Variants in GULP1 observed in about 807,000 individuals in gnomAD.
The protein encoded by GULP1 is GULP PTB domain containing engulfment adaptor 1.
In GULP1, 19 loss-of-function variants were observed where a neutral mutation model predicts 40.9. The ratio of observed to expected loss-of-function variants is 0.46; its 90% CI spans 0.32 to 0.68. GULP1 has a LOEUF of 0.68. Ranked by LOEUF, GULP1 falls within the 30% of genes least tolerant of loss-of-function variation. The pLI is 0.03. For synonymous variants in GULP1, 119 were observed against 117.6 expected, an observed-to-expected ratio of 1.01 and a Z score of -0.08; for missense variants, 312 against 362.2, an observed-to-expected ratio of 0.86 and a Z score of 1.12.
At chr2:188,538,855 T>A (rs1490883512) in intron 6 of GULP1, among the ~76,000 whole-genome samples, 1 of 152,136 alleles carries the variant, frequency 6.6e-6, no homozygotes, top group Non-Finnish European at 1.5e-5. Context: ...TCATTCTAGA[T>A]GTATGTTGAT....
chr2:188,577,499 C>T (rs1288140746), intron 9 of GULP1, among the ~76,000 whole-genome samples: 1 of 152,082 alleles, frequency 6.6e-6, no homozygotes, highest in African/African-American at 2.4e-5. Context: ...TGCAACTTCA[C>T]TTTCATAATT....
chr2:188,377,207 A>G (rs568401903), intron 1 of GULP1, among the ~76,000 whole-genome samples: 4 of 152,278 alleles, frequency 2.6e-5, no homozygotes, highest in South Asian at 2.1e-4. Flanking sequence ...GATGAGCACA[A>G]CAAATATTTA....
At chr2:188,464,792 T>G (rs1289344994) in intron 2 of GULP1, among the ~76,000 whole-genome samples, 1 of 152,188 alleles carries the variant, frequency 6.6e-6, no homozygotes, top group Non-Finnish European at 1.5e-5. Context: ...CCACTGCCAC[T>G]TCAGGCCTAT....
At chr2:188,492,119 G>T (rs941929192) in intron 4 of GULP1, among the ~76,000 whole-genome samples, 2 of 152,002 alleles carry the variant, frequency 1.3e-5, no homozygotes, top group Non-Finnish European at 2.9e-5. Context: ...GTACAAAGAG[G>T]TTGCTGGGAT....
chr2:188,348,055 GA>G (rs1266849819), intron 1 of GULP1, among the ~76,000 whole-genome samples: 1 of 152,150 alleles, frequency 6.6e-6, no homozygotes, highest in Non-Finnish European at 1.5e-5. Flanking sequence ...AGATGTCAAA[GA>G]AATAAAATTC....
At chr2:188,403,723 A>T (rs563467012) in intron 2 of GULP1, among the ~76,000 whole-genome samples, 4 of 152,294 alleles carry the variant, frequency 2.6e-5, no homozygotes, top group Admixed American at 6.5e-5. Context: ...TGTGGCACTA[A>T]GTCTGTACCA....
At chr2:188,396,185 G>A (rs536705734) in intron 2 of GULP1, among the ~76,000 whole-genome samples, 2 of 152,306 alleles carry the variant, frequency 1.3e-5, no homozygotes, top group Admixed American at 1.3e-4. Flanking sequence ...CTACCCAGGG[G>A]AAGTACTCTG....
At chr2:188,311,622 T>G (rs2106358842) in intron 1 of GULP1, among the ~76,000 whole-genome samples, 1 of 151,950 alleles carries the variant, frequency 6.6e-6, no homozygotes, top group South Asian at 2.1e-4. Flanking sequence ...GTATCCAATT[T>G]TAACAAAATT....
At chr2:188,304,729 A>G (rs1390677509) in intron 1 of GULP1, among the ~76,000 whole-genome samples, 1 of 152,180 alleles carries the variant, frequency 6.6e-6, no homozygotes, top group Non-Finnish European at 1.5e-5. Flanking sequence ...TCCTGCTCTT[A>G]GGCATAGCTA....
chr2:188,379,255 T>A (rs772709221), intron 1 of GULP1, among the ~76,000 whole-genome samples: 1 of 152,130 alleles, frequency 6.6e-6, no homozygotes, highest in Non-Finnish European at 1.5e-5. Context: ...TTCTGAAGAG[T>A]TTGTCATGTC....
At chr2:188,466,193 C>A (rs771110121) in intron 2 of GULP1, among the ~76,000 whole-genome samples, 5 of 152,034 alleles carry the variant, frequency 3.3e-5, no homozygotes, top group Non-Finnish European at 7.4e-5. Flanking sequence ...CTCTCAATAT[C>A]ATTTAATCAT....
intron 7 of GULP1, among the ~76,000 whole-genome samples, chr2:188,551,579 G>A (rs951728660): frequency 6.6e-6 from 1 of 151,624 alleles, no homozygotes; most frequent in African/African-American, 2.4e-5. Flanking sequence ...TCCATTGGCG[G>A]ACATTTAGGT....
intron 6 of GULP1, among the ~76,000 whole-genome samples, chr2:188,535,831 C>CT (rs887022357): frequency 6.6e-6 from 1 of 152,068 alleles, no homozygotes; most frequent in Admixed American, 6.6e-5. Context: ...TAAGCATTCC[C>CT]TTTTTTTCAT....
At chr2:188,582,128 T>TA (rs555107916) in intron 9 of GULP1, among the ~76,000 whole-genome samples, 6 of 151,846 alleles carry the variant, frequency 4.0e-5, no homozygotes, top group African/African-American at 1.5e-4. Flanking sequence ...AATATTTCAG[T>TA]AAAAAAAAGA....
At chr2:188,566,862 C>A (rs1394661719) in intron 7 of GULP1, among the ~76,000 whole-genome samples, 2 of 144,342 alleles carry the variant, frequency 1.4e-5, no homozygotes, top group African/African-American at 5.2e-5. Flanking sequence ...AGGGAAGCAA[C>A]CTATAATTAA....
intron 1 of GULP1, among the ~76,000 whole-genome samples, chr2:188,382,816 A>G (rs546493346): frequency 6.6e-6 from 1 of 152,264 alleles, no homozygotes; most frequent in Admixed American, 6.5e-5. Context: ...ACATTGAACA[A>G]ATAGGTCAAT....
chr2:188,307,953 G>A (rs977986138), intron 1 of GULP1, among the ~76,000 whole-genome samples: 9 of 151,848 alleles, frequency 5.9e-5, no homozygotes, highest in African/African-American at 1.9e-4. Flanking sequence ...ATTTGGCAGT[G>A]GTTTTTGTTG....
intron 2 of GULP1, among the ~76,000 whole-genome samples, chr2:188,445,174 A>G (rs904854845): frequency 1.3e-5 from 2 of 152,134 alleles, no homozygotes; most frequent in Admixed American, 6.5e-5. Flanking sequence ...TTGACGTTTG[A>G]TGCCATTCAG....
At chr2:188,586,940 TTAGTTACCTA>T (rs1702510742) in intron 10 of GULP1, among the ~76,000 whole-genome samples, 1 of 151,990 alleles carries the variant, frequency 6.6e-6, no homozygotes, top group African/African-American at 2.4e-5. Flanking sequence ...ATTGTGCAGG[TTAGTTACCTA>T]TGTATTTCTT....
Sources: gnomAD v4.1 joint callset for allele counts (sites outside exome capture counted in the v4.1 genomes callset) on GRCh38, gnomAD v4.1.1 for gene constraint, MANE v1.5 for transcripts, NCBI Gene and HGNC (gene_info 2026-07-23, HGNC 2026-07-21) for gene names.